Variants in PLRG1 observed in about 807,000 individuals in gnomAD.
PLRG1 encodes pleiotropic regulator 1, also known as pleiotropic regulator 1 (PRL1 homolog, Arabidopsis).
Under a neutral mutation model 74.9 loss-of-function variants are expected in PLRG1, and 28 were observed. The ratio of observed to expected loss-of-function variants is 0.37; its 90% CI spans 0.28 to 0.51. PLRG1 has a LOEUF of 0.51. Ranked by LOEUF, PLRG1 falls within the 20% of genes least tolerant of loss-of-function variation. PLRG1 has a pLI of 0.91. For missense variants in PLRG1, 445 were observed against 631.9 expected (o/e 0.70, Z 3.17); for synonymous variants, 197 against 212.4 (o/e 0.93, Z 0.63).
intron 6 of PLRG1, 53 bp downstream of exon 6, chr4:154,545,783 T>C (rs11935584): frequency 0.32 from 332,277 of 1,038,680 alleles, 54,823 homozygotes; most frequent in Middle Eastern, 0.38. Context: ...GAGGGAAATA[T>C]GGCAACATGT....
At chr4:154,546,908 C>T in intron 4 of PLRG1, 103 bp downstream of exon 4, 1 of 865,430 alleles carries the variant, frequency 1.2e-6, no homozygotes, top group Non-Finnish European at 2.0e-6. Flanking sequence ...GGCTACTGAG[C>T]TTATCTTGCA....
intron 12 of PLRG1, 129 bp from the exon 13 acceptor site, chr4:154,538,237 C>T (rs762824238): frequency 9.1e-6 from 4 of 441,522 alleles, no homozygotes; most frequent in East Asian, 3.4e-5. Flanking sequence ...GCAAAATAGT[C>T]GTATCAAAAT....
chr4:154,544,570 A>G, intron 6 of PLRG1, 24 bp from the exon 7 acceptor site: 1 of 1,299,850 alleles, frequency 7.7e-7, no homozygotes, highest in Non-Finnish European at 1.1e-6. Flanking sequence ...AGACATTATT[A>G]TTATTAAAGA....
At chr4:154,550,048 C>T (rs1358449786) in intron 1 of PLRG1, among the ~76,000 whole-genome samples, 2 of 152,224 alleles carry the variant, frequency 1.3e-5, no homozygotes, top group Non-Finnish European at 2.9e-5. Context: ...CTTTCCAGCT[C>T]CCAAGAGTCA....
intron 12 of PLRG1, 34 bp downstream of exon 12, chr4:154,539,070 GA>G: frequency 8.1e-7 from 1 of 1,231,286 alleles, no homozygotes; most frequent in Non-Finnish European, 1.2e-6. Context: ...AAGAACTGAA[GA>G]AAAACAAGAA....
In PLRG1 at chr4:154,540,869, G is replaced by T; in HGVS notation, c.753C>A (p.Gly251=). ...ATGGGCTCCTTGTGCTTACTATCAC[G>T]CCCCGCACAGTACTAATATGCCCAG... is the stretch of plus-strand genomic sequence containing the variant. ...SLTGHISTVR[G]VIVSTRSPYL... Residue 251 remains glycine, a synonymous_variant, in exon 9 of 15, where the codon GGC becomes GGA. Coordinates refer to ENST00000499023, the MANE Select transcript of PLRG1 (RefSeq NM_002669.4). The T allele has an allele frequency of 6.2e-7, 1 of 1,612,292 alleles. No individual in the cohort carries two copies. Among genetic ancestry groups the T allele is most frequent in the Non-Finnish European group, 8.5e-7 (1 of 1,178,486 alleles).
At chr4:154,547,651 T>C in intron 3 of PLRG1, 60 bp downstream of exon 3, 1 of 1,504,958 alleles carries the variant, frequency 6.6e-7, no homozygotes, top group South Asian at 1.1e-5. Context: ...TAACATATTT[T>C]ATTTTTCTGT....
At chr4:154,547,120 C>T (rs1368554863) in intron 3 of PLRG1, 56 bp from the exon 4 acceptor site, 2 of 1,234,132 alleles carry the variant, frequency 1.6e-6, no homozygotes, top group Admixed American at 1.7e-5. Flanking sequence ...CAAAAGTTAT[C>T]ATCTCTTTAA....
At chr4:154,537,923 A>G (rs1350366016) in intron 13 of PLRG1, 46 bp downstream of exon 13, 7 of 1,133,862 alleles carry the variant, frequency 6.2e-6, no homozygotes, top group Non-Finnish European at 8.7e-6. Context: ...TCATTAAAAG[A>G]AAAAATAACA....
chr4:154,536,329 A>C lies in PLRG1; in HGVS notation c.*356T>G. 1 of 169,732 alleles carries C rather than the reference A, an allele frequency of 5.9e-6. No homozygotes were observed. The highest frequency in any genetic ancestry group is 1.2e-5 in the Non-Finnish European group (1 of 80,462). The allele number at this position is 169,732 out of a possible 1,614,324, so 10.5% of individuals were successfully genotyped here. A position where few individuals can be genotyped will look rare whatever the true frequency, so the allele number is the denominator to read the frequency against. On this transcript the variant is annotated 3_prime_UTR_variant, in exon 15 of 15. Coordinates refer to ENST00000499023, the MANE Select transcript of PLRG1 (RefSeq NM_002669.4). ...GTTATTTTTTAAAGGACTAAAAAAAAACTACTGCTCCTTCAAATGTCCTAA... is the reference window on the plus strand; with the variant it reads ...GTTATTTTTTAAAGGACTAAAAAAACACTACTGCTCCTTCAAATGTCCTAA...
chr4:154,540,110 A>G, intron 10 of PLRG1, 57 bp from the exon 11 acceptor site: 1 of 919,562 alleles, frequency 1.1e-6, no homozygotes, highest in Non-Finnish European at 1.8e-6. Context: ...TATCTCAAGA[A>G]GATAACTGGA....
In PLRG1 at chr4:154,548,865, G is replaced by A; in HGVS notation, c.80C>T (p.Ala27Val). Residue 27 changes from alanine (A) to valine (V), a missense_variant, in exon 2 of 15, where the codon GCT (alanine) becomes GTT (valine). Ala to Val is a moderately conservative substitution (Grantham distance 64). Coordinates refer to ENST00000499023, the MANE Select transcript of PLRG1 (RefSeq NM_002669.4). The part of the protein sequence containing the change: ...SLKRTHDMFV[A>V]DNGKPVPLDE... The stretch of plus-strand genomic sequence containing the variant: ...TAAAGGCACAGGTTTTCCATTATCA[G>A]CTACAAACATGTCATGGGTCCTCTT... 6.2e-7 allele frequency: 1 copy of A among 1,608,778 alleles called. No homozygotes were observed. Among genetic ancestry groups the A allele is most frequent in the Non-Finnish European group, 8.5e-7 (1 of 1,176,324 alleles).
rs752054864 is a variant in PLRG1, at chr4:154,536,659, AAGAG to A, written c.*22_*25del. ...TTTTTTTTAATTAAAAAGAAAAAAA[AAGAG>A]AGAGAAAAAATTCCACATTCATTAA... On this transcript the variant is annotated 3_prime_UTR_variant, in exon 15 of 15. Transcript: ENST00000499023. 45 of 1,267,366 alleles carry A rather than the reference AAGAG, an allele frequency of 3.6e-5. No individual in the cohort carries two copies. The Middle Eastern group carries it at 7.4e-4, about 21-fold the overall frequency. 78.5% of individuals were successfully genotyped at this position (1,267,366 alleles called of 1,614,324 possible).
Position 154,536,677 on chromosome 4 carries a change from C to A in PLRG1, c.*8G>T. ...AAAAAAAAAGAGAGAGAAAAAATTCCACATTCATTAAAATCTCTTTCTCTT... is the reference window on the plus strand; with the variant it reads ...AAAAAAAAAGAGAGAGAAAAAATTCAACATTCATTAAAATCTCTTTCTCTT... On this transcript the variant is annotated 3_prime_UTR_variant, in exon 15 of 15. Coordinates refer to ENST00000499023, the MANE Select transcript of PLRG1 (RefSeq NM_002669.4). 1 of 1,425,448 alleles carries A rather than the reference C, an allele frequency of 7.0e-7. No individual in the cohort carries two copies. The highest frequency in any genetic ancestry group is 1.4e-5 in the African/African-American group (1 of 69,312). 88.3% of individuals were successfully genotyped at this position (1,425,448 alleles called of 1,614,324 possible).
Position 154,548,740 on chromosome 4 carries a change from ATCTTTAAAGGACTCCCTCTCCCTGCTC to A in PLRG1, c.116+62_116+88del, listed in dbSNP as rs1402766717. 8.6e-6 allele frequency: 6 copies of A among 696,702 alleles called. No homozygotes were observed. In the Admixed American group the frequency reaches 1.5e-4, roughly 18 times the overall value. 43.2% of individuals were successfully genotyped at this position (696,702 alleles called of 1,614,324 possible). A position where few individuals can be genotyped will look rare whatever the true frequency, so the allele number is the denominator to read the frequency against. ...TGAATAATTAGCCCATGACTAGCTTATCTTTAAAGGACTCCCTCTCCCTGCTCTCTTCCCCTAGTATTAGAATGTTAA... is the reference window on the plus strand; with the variant it reads ...TGAATAATTAGCCCATGACTAGCTTATCTTCCCCTAGTATTAGAATGTTAA... On this transcript the variant is annotated intron_variant, in intron 2 of 14. Coordinates refer to ENST00000499023, the MANE Select transcript of PLRG1 (RefSeq NM_002669.4).
At position 154,540,713 on chromosome 4, in the gene PLRG1, A is replaced by G. The variant is rs1185160313; in HGVS notation, c.838-18T>C. ...CGTATAACCTAAAGACAAAGCAGGA[A>G]AGTTAAAACTTCTAGAATTAGAAAG... On this transcript the variant is annotated intron_variant, in intron 9 of 14. Transcript: ENST00000499023. 2 of 1,609,984 alleles carry G rather than the reference A, an allele frequency of 1.2e-6. No individual in the cohort carries two copies. The highest frequency in any genetic ancestry group is 2.7e-5 in the African/African-American group (2 of 74,824).
At chr4:154,546,419 T>C (rs1415353234) in intron 4 of PLRG1, 1 of 552,180 alleles carries the variant, frequency 1.8e-6, no homozygotes, top group Non-Finnish European at 3.2e-6. Context: ...AAATTTGATT[T>C]GATCACAGCC....
chr4:154,545,699 C>T lies in PLRG1; in HGVS notation c.492+137G>A, dbSNP rs866550131. The stretch of plus-strand genomic sequence containing the variant: ...TTCCAAAAAATACGTTAATTTACTA[C>T]CAACTTGAGTTTTAGGGCTATGAAA... On this transcript the variant is annotated intron_variant, in intron 6 of 14. Coordinates refer to ENST00000499023, the MANE Select transcript of PLRG1 (RefSeq NM_002669.4). 180 of 525,740 alleles carry T rather than the reference C, an allele frequency of 3.4e-4. No homozygotes were observed. In the Middle Eastern group the frequency reaches 3.9e-3, roughly 11 times the overall value. The allele number at this position is 525,740 out of a possible 1,614,324, so 32.6% of individuals were successfully genotyped here.
chr4:154,546,023 A>C, intron 5 of PLRG1, 100 bp from the exon 6 acceptor site: 2 of 1,096,044 alleles, frequency 1.8e-6, no homozygotes, highest in Non-Finnish European at 2.7e-6. Context: ...AGTCCTGATA[A>C]AGGAAAATGT....
Sources: gnomAD v4.1 joint callset for allele counts (sites outside exome capture counted in the v4.1 genomes callset) on GRCh38, gnomAD v4.1.1 for gene constraint, MANE v1.5 for transcripts, NCBI Gene and HGNC (gene_info 2026-07-23, HGNC 2026-07-21) for gene names.